Variants in LHPP observed in about 807,000 individuals in gnomAD.
The protein encoded by LHPP is phospholysine phosphohistidine inorganic pyrophosphate phosphatase, also known as hLHPP.
In LHPP, 24 loss-of-function variants were observed where a neutral mutation model predicts 30.3. That is an observed-to-expected ratio of 0.79 (90% CI 0.57 to 1.11). LHPP has a LOEUF of 1.11. LHPP is among the 50% of genes most tolerant of loss of function. The pLI is 0.00. For synonymous variants in LHPP, 150 were observed against 157.1 expected (o/e 0.95, Z 0.34); for missense variants, 356 against 367.2 (o/e 0.97, Z 0.25).
At chr10:124,547,328 T>G (rs1305844000) in intron 6 of LHPP, among the ~76,000 whole-genome samples, 2 of 152,250 alleles carry the variant, frequency 1.3e-5, no homozygotes, top group Non-Finnish European at 2.9e-5. Flanking sequence ...TTTCTTAAAC[T>G]TATTTTCATG....
intron 6 of LHPP, among the ~76,000 whole-genome samples, chr10:124,575,293 G>A (rs1322043360): frequency 1.3e-5 from 2 of 152,062 alleles, no homozygotes; most frequent in African/African-American, 4.8e-5. Context: ...TTGCCCCAAC[G>A]CACCACTCAG....
chr10:124,609,264 T>C (rs1949134810), intron 6 of LHPP, among the ~76,000 whole-genome samples: 1 of 152,230 alleles, frequency 6.6e-6, no homozygotes, highest in Non-Finnish European at 1.5e-5. Flanking sequence ...CTCTTTCTTT[T>C]TGAGACTCTC....
Position 124,484,443 on chromosome 10 carries a change from C to G in LHPP, c.313+117C>G, listed in dbSNP as rs1024672820. 6 of 1,008,150 alleles carry G rather than the reference C, an allele frequency of 6.0e-6. No individual in the cohort carries two copies. The South Asian group carries it at 9.3e-5, about 16-fold the overall frequency. The allele number at this position is 1,008,150 out of a possible 1,614,324, so 62.5% of individuals were successfully genotyped here. On this transcript the variant is annotated intron_variant, in intron 2 of 6. Transcript: ENST00000368842. ...ACCACTGACTGAGCTAGGCCACCAACACTCATGGGTTGGGGGTAAAAACCT... is the reference window on the plus strand; with the variant it reads ...ACCACTGACTGAGCTAGGCCACCAAGACTCATGGGTTGGGGGTAAAAACCT...
Position 124,471,570 on chromosome 10 carries a change from A to AAT in LHPP, c.125+9583_125+9584insAT, listed in dbSNP as rs1952762169. On this transcript the variant is annotated intron_variant, in intron 1 of 6. Coordinates refer to ENST00000368842, the MANE Select transcript of LHPP (RefSeq NM_022126.4). ...TTTATATATATTTATATATATATAA[A>AAT]TTTTTTTATATTTATATATTTTTTA... 8.7e-5 allele frequency among the ~76,000 whole-genome samples: 3 copies of AAT among 34,466 alleles called. 1 individual carries two copies. The highest frequency in any genetic ancestry group is 1.3e-4 in the Non-Finnish European group (2 of 15,202). 22.6% of individuals were successfully genotyped at this position (34,466 alleles called of 152,430 possible).
rs896589034 is a variant in LHPP, at chr10:124,596,459, C to T, written c.717-16805C>T. On this transcript the variant is annotated intron_variant, in intron 6 of 6. Coordinates refer to ENST00000368842, the MANE Select transcript of LHPP (RefSeq NM_022126.4). This position sits in a 1 kb window ranked among gnomAD's most constrained non-coding sequence, Gnocchi z 4.6. ...GCTGGCCATTCAGGTGGACGTGGAG[C>T]GGTGTCATTTCCTTCCTGAGGGGCC... 6.6e-6 allele frequency among the ~76,000 whole-genome samples: 1 copy of T among 152,164 alleles called. No homozygotes were observed. Among genetic ancestry groups the T allele is most frequent in the Admixed American group, 6.5e-5 (1 of 15,282 alleles).
intron 6 of LHPP, among the ~76,000 whole-genome samples, chr10:124,584,363 C>CAAA (rs71484569): frequency 2.0e-5 from 2 of 98,422 alleles, no homozygotes; most frequent in African/African-American, 7.0e-5. Context: ...GACTCTGTCT[C>CAAA]AAAAAAAAAA....
At chr10:124,567,422 G>A (rs909085672) in intron 6 of LHPP, among the ~76,000 whole-genome samples, 5 of 152,228 alleles carry the variant, frequency 3.3e-5, no homozygotes, top group South Asian at 4.1e-4. Context: ...TCTCAGCCTC[G>A]GCCCCCTCCA....
At chr10:124,512,901 T>G (rs1461544768) in intron 5 of LHPP, among the ~76,000 whole-genome samples, 1 of 152,076 alleles carries the variant, frequency 6.6e-6, no homozygotes, top group East Asian at 1.9e-4. Context: ...GAGAGCAAAT[T>G]CCACCTGGAC....
rs149498710 is a variant in LHPP at position 124,569,396 on chromosome 10, G to C, written c.717-43868G>C. On this transcript the variant is annotated intron_variant, in intron 6 of 6. Coordinates refer to ENST00000368842, the MANE Select transcript of LHPP (RefSeq NM_022126.4). ...CCTCGGGACAGCCTACAGAGCTGCTGTCTCTTCCAGGCATTGCTGCAGGGC... is the reference window on the plus strand; with the variant it reads ...CCTCGGGACAGCCTACAGAGCTGCTCTCTCTTCCAGGCATTGCTGCAGGGC... Among the ~76,000 whole-genome samples, 211 of 152,340 alleles carry C rather than the reference G, an allele frequency of 1.4e-3. 3 individuals are homozygous for C. The highest frequency in any genetic ancestry group is 4.8e-3 in the African/African-American group (201 of 41,582).
At chr10:124,577,712 G>GTAAATA (rs1948686632) in intron 6 of LHPP, among the ~76,000 whole-genome samples, 1 of 98,530 alleles carries the variant, frequency 1.0e-5, no homozygotes, top group East Asian at 4.2e-4. Flanking sequence ...GCATGCACAT[G>GTAAATA]CATATGTGTG....
intron 6 of LHPP, among the ~76,000 whole-genome samples, chr10:124,531,317 A>G (rs1954898205): frequency 6.6e-6 from 1 of 152,132 alleles, no homozygotes. Context: ...TGTACCCAAA[A>G]CACAGTCTCA....
At chr10:124,587,507 G>A (rs1043471511) in intron 6 of LHPP, among the ~76,000 whole-genome samples, 1 of 151,426 alleles carries the variant, frequency 6.6e-6, no homozygotes, top group Non-Finnish European at 1.5e-5. Flanking sequence ...TTGGGAGGCC[G>A]AGACGGGCGG....
chr10:124,588,306 T>G (rs1218417790), intron 6 of LHPP, among the ~76,000 whole-genome samples: 1 of 151,890 alleles, frequency 6.6e-6, no homozygotes, highest in Non-Finnish European at 1.5e-5. Flanking sequence ...TTCTTTTTTT[T>G]TTTAAGACTG....
intron 6 of LHPP, among the ~76,000 whole-genome samples, chr10:124,519,186 G>A (rs1049761241): frequency 6.6e-5 from 10 of 152,158 alleles, no homozygotes; most frequent in South Asian, 2.1e-4. Flanking sequence ...GACCTCAGGC[G>A]AACCACCCGC....
intron 6 of LHPP, among the ~76,000 whole-genome samples, chr10:124,526,898 G>A (rs755112959): frequency 6.6e-5 from 10 of 152,244 alleles, no homozygotes; most frequent in Admixed American, 2.0e-4. Context: ...TGGCCAGGCC[G>A]CAGCAAGCAG....
chr10:124,473,058 C>G (rs138178766), intron 1 of LHPP, among the ~76,000 whole-genome samples: 1 of 151,848 alleles, frequency 6.6e-6, no homozygotes, highest in Non-Finnish European at 1.5e-5. Context: ...CCTTGGTGGG[C>G]GGGGGTCACC....
intron 5 of LHPP, among the ~76,000 whole-genome samples, chr10:124,499,967 G>A (rs1274327162): frequency 6.6e-6 from 1 of 152,026 alleles, no homozygotes; most frequent in Non-Finnish European, 1.5e-5. Context: ...AGAAGGAAAG[G>A]TTTGTGTTTT....
chr10:124,548,834 C>T (rs894190545), intron 6 of LHPP, among the ~76,000 whole-genome samples: 3 of 152,172 alleles, frequency 2.0e-5, no homozygotes, highest in Non-Finnish European at 4.4e-5. Flanking sequence ...AGCAGGAGCC[C>T]GGGTCCCCGG....
chr10:124,481,368 G>T (rs1426816811), intron 1 of LHPP, among the ~76,000 whole-genome samples: 2 of 124,184 alleles, frequency 1.6e-5, no homozygotes, highest in Non-Finnish European at 3.3e-5. Flanking sequence ...TGGCTTATCT[G>T]CCCCCTTTTT....
Sources: gnomAD v4.1 joint callset for allele counts (sites outside exome capture counted in the v4.1 genomes callset) on GRCh38, gnomAD v4.1.1 for gene constraint, Gnocchi (gnomAD v3.1) non-coding constraint, MANE v1.5 for transcripts, NCBI Gene and HGNC (gene_info 2026-07-23, HGNC 2026-07-21) for gene names.